UXS1: variants seen among roughly 807,000 people sequenced by gnomAD.
The protein encoded by UXS1 is UDP-glucuronic acid decarboxylase 1.
Under a neutral mutation model 62.6 loss-of-function variants are expected in UXS1, and 33 were observed. The ratio of observed to expected loss-of-function variants is 0.53; its 90% CI spans 0.40 to 0.70. UXS1 has a LOEUF of 0.70. UXS1 is among the 30% of genes least tolerant of loss of function. The pLI is 0.00. For missense variants in UXS1, 434 were observed against 556.3 expected, an observed-to-expected ratio of 0.78 and a Z score of 2.21; for synonymous variants, 213 against 206.8, an observed-to-expected ratio of 1.03 and a Z score of -0.26.
intron 10 of UXS1, among the ~76,000 whole-genome samples, chr2:106,108,868 G>A (rs1558683062): frequency 6.6e-6 from 1 of 152,024 alleles, no homozygotes; most frequent in East Asian, 1.9e-4. Flanking sequence ...CTTCTCCTAG[G>A]CCCATTTGTG....
chr2:106,121,090 C>T (rs560579128), intron 9 of UXS1, among the ~76,000 whole-genome samples: 2 of 152,138 alleles, frequency 1.3e-5, no homozygotes, highest in African/African-American at 4.8e-5. Flanking sequence ...ATGACACGAA[C>T]GGGTCCAATG....
chr2:106,167,649 G>A (rs1558745416), intron 1 of UXS1, among the ~76,000 whole-genome samples: 1 of 151,920 alleles, frequency 6.6e-6, no homozygotes, highest in Non-Finnish European at 1.5e-5. Flanking sequence ...AAATAAAAGT[G>A]GCAAGAAAGC....
rs61347926 is a variant in UXS1, at chr2:106,105,289, G to C, written c.880-452C>G. On this transcript the variant is annotated intron_variant, in intron 10 of 14. Coordinates refer to ENST00000283148, the MANE Select transcript of UXS1 (RefSeq NM_001253875.2). ...GGCTGGTTCACAGACTGTTTGGGAT[G>C]AGGCCGGCATCTCCTGGTATTGTTA... 7.7e-3 allele frequency among the ~76,000 whole-genome samples: 1,174 copies of C among 152,320 alleles called. 13 individuals are homozygous for C. Among genetic ancestry groups the C allele is most frequent in the African/African-American group, 0.026 (1,074 of 41,558 alleles).
intron 5 of UXS1, among the ~76,000 whole-genome samples, chr2:106,148,295 T>A (rs1226392725): frequency 6.6e-6 from 1 of 152,250 alleles, no homozygotes; most frequent in Non-Finnish European, 1.5e-5. Flanking sequence ...ACTCACGGGA[T>A]GAGATTTCAT....
At chr2:106,181,888 G>A (rs1009177342) in intron 1 of UXS1, among the ~76,000 whole-genome samples, 14 of 152,052 alleles carry the variant, frequency 9.2e-5, no homozygotes, top group African/African-American at 2.7e-4. Flanking sequence ...CTGAAAGTAG[G>A]GCACTTTCTA....
chr2:106,164,471 TTCTC>T (rs1683089629), intron 3 of UXS1, among the ~76,000 whole-genome samples: 1 of 152,306 alleles, frequency 6.6e-6, no homozygotes, highest in South Asian at 2.1e-4. Context: ...TCACTTCCCT[TTCTC>T]TAAAAAACGC....
chr2:106,163,324 A>C (rs951974092), intron 4 of UXS1, among the ~76,000 whole-genome samples: 1 of 5,600 alleles, frequency 1.8e-4, no homozygotes, highest in African/African-American at 2.0e-4. Context: ...TGGTGTTTGC[A>C]TATGGTACAT....
chr2:106,147,956 G>A (rs1054852574), intron 5 of UXS1, among the ~76,000 whole-genome samples: 2 of 152,186 alleles, frequency 1.3e-5, no homozygotes, highest in Non-Finnish European at 2.9e-5. Flanking sequence ...GGTTAAGACA[G>A]GATGGGTGAG....
chr2:106,116,875 G>A (rs1679098241), intron 9 of UXS1, among the ~76,000 whole-genome samples: 1 of 152,154 alleles, frequency 6.6e-6, no homozygotes, highest in Non-Finnish European at 1.5e-5. Context: ...CATGGACCTG[G>A]TTATGTCTGA....
At chr2:106,171,788 G>A (rs6543379) in intron 1 of UXS1, among the ~76,000 whole-genome samples, 149,251 of 152,378 alleles carry the variant, frequency 0.98, 73,154 homozygotes, top group South Asian at 1. Flanking sequence ...CAGTCATTCC[G>A]ATCACTATTT....
intron 1 of UXS1, among the ~76,000 whole-genome samples, chr2:106,186,499 T>C (rs1462404898): frequency 6.6e-6 from 1 of 151,202 alleles, no homozygotes; most frequent in East Asian, 1.9e-4. Flanking sequence ...TACGTAAATA[T>C]GTATATACAC....
chr2:106,138,141 A>G lies in UXS1; in HGVS notation c.472+7049T>C, dbSNP rs539509848. The G allele has an allele frequency of 3.2e-4, 317 of 983,730 alleles. 4 individuals are homozygous for G. The African/African-American group carries it at 5.3e-3, about 16-fold the overall frequency. 60.9% of individuals were successfully genotyped at this position (983,730 alleles called of 1,614,324 possible). On this transcript the variant is annotated intron_variant, in intron 6 of 14. Transcript: ENST00000283148. Reference sequence around the variant, plus strand: ...CTTGAGAGTACAGGAAGCCTCTCCGACATCAAACAGAAAGCCACTATCATT... The same window carrying G: ...CTTGAGAGTACAGGAAGCCTCTCCGGCATCAAACAGAAAGCCACTATCATT...
intron 1 of UXS1, 76 bp downstream of exon 1, chr2:106,194,072 G>T: frequency 8.1e-7 from 1 of 1,241,050 alleles, no homozygotes; most frequent in South Asian, 1.7e-5. Context: ...TCGGGGCCCC[G>T]AACCACCGCC....
intron 10 of UXS1, among the ~76,000 whole-genome samples, chr2:106,109,785 G>T (rs1484073160): frequency 6.6e-6 from 1 of 152,208 alleles, no homozygotes; most frequent in Non-Finnish European, 1.5e-5. Context: ...AGACAGGCAT[G>T]AGGAATCTGC....
chr2:106,139,840 T>C (rs1381649727), intron 6 of UXS1, among the ~76,000 whole-genome samples: 1 of 152,214 alleles, frequency 6.6e-6, no homozygotes, highest in Non-Finnish European at 1.5e-5. Flanking sequence ...GTTAGTTCTT[T>C]CTGTGATAAC....
chr2:106,095,710 G>C (rs1252936709), intron 14 of UXS1, among the ~76,000 whole-genome samples: 1 of 152,202 alleles, frequency 6.6e-6, no homozygotes, highest in East Asian at 1.9e-4. Flanking sequence ...GGGCACATGA[G>C]GGTGGGCAAA....
chr2:106,178,630 TAG>T (rs963779641), intron 1 of UXS1, among the ~76,000 whole-genome samples: 2 of 152,054 alleles, frequency 1.3e-5, no homozygotes, highest in African/African-American at 4.8e-5. Flanking sequence ...GTATATATGT[TAG>T]AGTGTGTGTG....
At chr2:106,096,653 AG>A (rs1042625104) in intron 14 of UXS1, 64 bp downstream of exon 14, 1 of 1,428,000 alleles carries the variant, frequency 7.0e-7, no homozygotes, top group Non-Finnish European at 9.5e-7. Context: ...CAGTGCCTAC[AG>A]GACAGCAGAC....
At chr2:106,107,504 G>A (rs1159295325) in intron 10 of UXS1, among the ~76,000 whole-genome samples, 1 of 152,172 alleles carries the variant, frequency 6.6e-6, no homozygotes, top group African/African-American at 2.4e-5. Context: ...ATACATGCTG[G>A]GTAAGCCCCC....
Sources: gnomAD v4.1 joint callset for allele counts (sites outside exome capture counted in the v4.1 genomes callset) on GRCh38, gnomAD v4.1.1 for gene constraint, MANE v1.5 for transcripts, NCBI Gene and HGNC (gene_info 2026-07-23, HGNC 2026-07-21) for gene names.